Variants in TBC1D8 observed in about 807,000 individuals in gnomAD.
TBC1D8 encodes BUB2-like protein 1.
In TBC1D8, 65 loss-of-function variants were observed where a neutral mutation model predicts 118.8. That is an observed-to-expected ratio of 0.55 (90% confidence interval 0.45 to 0.67). TBC1D8 has a LOEUF of 0.67. Ranked by LOEUF, TBC1D8 falls within the 30% of genes least tolerant of loss-of-function variation. The pLI is 0.00. For synonymous variants in TBC1D8, 566 were observed against 595.8 expected (o/e 0.95, Z 0.73); for missense variants, 1,376 against 1,471.2 (o/e 0.94, Z 1.06).
chr2:101,069,674 AT>A (rs910302055), intron 2 of TBC1D8, among the ~76,000 whole-genome samples: 7 of 152,322 alleles, frequency 4.6e-5, no homozygotes, highest in African/African-American at 1.7e-4. Flanking sequence ...AATTGATAAT[AT>A]TCATATAAAT....
Position 101,090,353 on chromosome 2 carries a change from C to T in TBC1D8, c.139G>A (p.Gly47Ser), listed in dbSNP as rs376513686. Residue 47 changes from glycine to serine, a missense_variant, in exon 2 of 20, where the codon GGC (glycine) becomes AGC (serine). Physicochemically the swap from Gly to Ser is moderately conservative, Grantham distance 56 (BLOSUM62 0). Coordinates refer to ENST00000409318, the MANE Select transcript of TBC1D8 (RefSeq NM_001330348.2). ...GGGRLTGRLV[G>S]ALDAVLDSNA... ...GAATCCAACACTGCATCCAGAGCGC[C>T]GACCAGGCGACCTTCAAAAGAAAAG... 31 of 1,613,790 alleles carry T rather than the reference C, an allele frequency of 1.9e-5. No individual in the cohort carries two copies. Among genetic ancestry groups the T allele is most frequent in the East Asian group, 4.5e-5 (2 of 44,872 alleles).
At position 101,033,630 on chromosome 2, in the gene TBC1D8, C is replaced by T. The variant is rs200825898; in HGVS notation, c.1732G>A (p.Ala578Thr). The T allele has an allele frequency of 6.4e-5, 103 of 1,613,900 alleles. No homozygotes were observed. In the Admixed American group the frequency reaches 9.8e-4, roughly 15 times the overall value. Reference protein sequence around the residue: ...DLHRSLPEHPAFQNETGIAAL... With the variant: ...DLHRSLPEHPTFQNETGIAAL... ...GCAATTCCCGTTTCGTTCTGGAAGG[C>T]GGGGTGCTCTGGCAGGGAGCGGTGC... is the stretch of plus-strand genomic sequence containing the variant. Residue 578 changes from alanine to threonine, a missense_variant, in exon 10 of 20, where the codon GCC becomes ACC. Physicochemically the swap from Ala to Thr is moderately conservative, Grantham distance 58. Coordinates refer to ENST00000409318, the MANE Select transcript of TBC1D8 (RefSeq NM_001330348.2).
chr2:101,056,355 CA>C (rs202086120), intron 3 of TBC1D8, among the ~76,000 whole-genome samples: 19,032 of 151,924 alleles, frequency 0.13, 1,373 homozygotes, highest in Non-Finnish European at 0.16. Context: ...AGGTGCCTGC[CA>C]CCATGCCTGG....
chr2:101,094,975 G>A (rs1377967818), intron 1 of TBC1D8, among the ~76,000 whole-genome samples: 2 of 152,164 alleles, frequency 1.3e-5, no homozygotes, highest in Admixed American at 6.5e-5. Flanking sequence ...TTCTGCTGGA[G>A]CCATAAATCG....
intron 3 of TBC1D8, among the ~76,000 whole-genome samples, chr2:101,058,479 G>C (rs539570314): frequency 6.6e-6 from 1 of 152,258 alleles, no homozygotes; most frequent in African/African-American, 2.4e-5. Context: ...TTTAATGAGA[G>C]AGTTAAATTT....
intron 5 of TBC1D8, among the ~76,000 whole-genome samples, chr2:101,040,762 G>A (rs753301230): frequency 4.5e-4 from 69 of 152,332 alleles, no homozygotes; most frequent in African/African-American, 4.6e-4. Flanking sequence ...GAGCCACCGC[G>A]CCCAGCCAAG....
intron 10 of TBC1D8, 88 bp from the exon 11 acceptor site, chr2:101,032,473 A>G: frequency 9.0e-7 from 1 of 1,107,080 alleles, no homozygotes; most frequent in Non-Finnish European, 1.3e-6. Flanking sequence ...ACAACCCACA[A>G]AAGTAAAGAT....
At chr2:101,103,318 TTAA>T (rs1676979667) in intron 1 of TBC1D8, among the ~76,000 whole-genome samples, 1 of 126,842 alleles carries the variant, frequency 7.9e-6, no homozygotes, top group Admixed American at 8.1e-5. Flanking sequence ...ATTCATGATT[TTAA>T]AAAAAAAAAA....
intron 1 of TBC1D8, among the ~76,000 whole-genome samples, chr2:101,103,151 A>G (rs1676965297): frequency 6.6e-6 from 1 of 152,112 alleles, no homozygotes; most frequent in Non-Finnish European, 1.5e-5. Flanking sequence ...AAAATGAATG[A>G]TACCATGATC....
At chr2:101,140,935 T>C (rs1679074245) in intron 1 of TBC1D8, among the ~76,000 whole-genome samples, 1 of 152,070 alleles carries the variant, frequency 6.6e-6, no homozygotes, top group Non-Finnish European at 1.5e-5. Flanking sequence ...CTAATTTTTG[T>C]ATTTTTAGTA....
chr2:101,131,893 ATAAAGT>A (rs1451400864), intron 1 of TBC1D8, among the ~76,000 whole-genome samples: 1 of 152,202 alleles, frequency 6.6e-6, no homozygotes, highest in Non-Finnish European at 1.5e-5. Context: ...CAGACTTACA[ATAAAGT>A]TATTTTTCTG....
chr2:101,125,352 T>C (rs1029649278), intron 1 of TBC1D8, among the ~76,000 whole-genome samples: 18 of 152,106 alleles, frequency 1.2e-4, no homozygotes, highest in South Asian at 2.1e-4. Flanking sequence ...ATGAATAAAA[T>C]ACTTACAGAT....
At chr2:101,031,668 C>T (rs114390074) in intron 11 of TBC1D8, among the ~76,000 whole-genome samples, 1 of 152,174 alleles carries the variant, frequency 6.6e-6, no homozygotes, top group Admixed American at 6.5e-5. Context: ...AGTGCAGGAG[C>T]GTTGCAAGGC....
At chr2:101,077,570 G>A (rs116058391) in intron 2 of TBC1D8, among the ~76,000 whole-genome samples, 1,832 of 152,092 alleles carry the variant, frequency 0.012, 46 homozygotes, top group African/African-American at 0.042. Flanking sequence ...TTTAAACAAC[G>A]AGATCTCGTA....
At chr2:101,048,401 CCAAAGGA>C (rs1681841920) in intron 5 of TBC1D8, among the ~76,000 whole-genome samples, 2 of 152,086 alleles carry the variant, frequency 1.3e-5, no homozygotes, top group Admixed American at 6.6e-5. Flanking sequence ...GGTCCAAATC[CCAAAGGA>C]CACTGCCCCA....
At position 101,029,493 on chromosome 2, in the gene TBC1D8, G is replaced by A; in HGVS notation, c.2220C>T (p.Ser740=). 3 of 1,611,116 alleles carry A rather than the reference G, an allele frequency of 1.9e-6. No homozygotes were observed. Among genetic ancestry groups the A allele is most frequent in the Non-Finnish European group, 2.5e-6 (3 of 1,177,852 alleles). The change falls in exon 12 of 20, where the codon AGC becomes AGT. Residue 740 remains serine, a splice_region_variant and synonymous_variant. Coordinates refer to ENST00000409318, the MANE Select transcript of TBC1D8 (RefSeq NM_001330348.2). ...KDDGQALMIL[S]RFLDHIKNED... ...CACAGAGGTGCAGCGGGGCCCACCT[G>A]CTGAGGATCATCAAGGCCTGGCCAT...
In TBC1D8 at chr2:101,073,297, TTTA is replaced by T. The variant is rs1439094470; in HGVS notation, c.284-13761_284-13759del. 7.6e-3 allele frequency among the ~76,000 whole-genome samples: 559 copies of T among 73,416 alleles called. 5 individuals carry two copies. The highest frequency in any genetic ancestry group is 0.022 in the African/African-American group (528 of 24,006). 48.2% of individuals were successfully genotyped at this position (73,416 alleles called of 152,430 possible). ...TTTTATTTTATTTTATTTTATTTTA[TTTA>T]TTTTTTTTTTTGGAGATGGAGTCTT... On this transcript the variant is annotated intron_variant, in intron 2 of 19. Coordinates refer to ENST00000409318, the MANE Select transcript of TBC1D8 (RefSeq NM_001330348.2).
chr2:101,077,529 G>A (rs557219705), intron 2 of TBC1D8, among the ~76,000 whole-genome samples: 1 of 152,144 alleles, frequency 6.6e-6, no homozygotes, highest in African/African-American at 2.4e-5. Flanking sequence ...TTACAGGTGT[G>A]AGCCACCGTG....
At chr2:101,113,444 T>C (rs1321812790) in intron 1 of TBC1D8, among the ~76,000 whole-genome samples, 1 of 152,070 alleles carries the variant, frequency 6.6e-6, no homozygotes, top group Admixed American at 6.5e-5. Flanking sequence ...ATACTAAGAT[T>C]TCTTGTTTCA....
Sources: allele counts gnomAD v4.1 joint callset (sites outside exome capture counted in the v4.1 genomes callset), GRCh38; gene constraint gnomAD v4.1.1; transcripts MANE v1.5; gene names NCBI Gene and HGNC (gene_info 2026-07-23, HGNC 2026-07-21).